Variants in CUBN observed in about 807,000 individuals in gnomAD.
CUBN encodes the protein 460 kDa receptor.
CUBN carries 282 observed loss-of-function variants against 405.3 expected under a neutral mutation model. That is an observed-to-expected ratio of 0.70 (90% CI 0.63 to 0.77). The LOEUF (loss-of-function observed/expected upper bound fraction) is 0.77, where lower values mean the gene tolerates loss of function less well. CUBN is among the 30% of genes least tolerant of loss of function. The pLI is 0.00. For missense variants in CUBN, 4,514 were observed against 4,475.2 expected, an observed-to-expected ratio of 1.01 and a Z score of -0.25; for synonymous variants, 1,684 against 1,617.0, an observed-to-expected ratio of 1.04 and a Z score of -0.99.
intron 62 of CUBN, 25 bp downstream of exon 62, chr10:16,840,305 C>A: frequency 1.3e-6 from 2 of 1,584,432 alleles, no homozygotes; most frequent in East Asian, 2.2e-5. Flanking sequence ...CTAGATGTGA[C>A]TGCCATTCAT....
intron 48 of CUBN, among the ~76,000 whole-genome samples, chr10:16,913,427 A>G (rs1012973792): frequency 6.6e-6 from 1 of 151,762 alleles, no homozygotes; most frequent in Non-Finnish European, 1.5e-5. Context: ...CCCTGGAGAG[A>G]GCAGTGCTTA....
chr10:16,849,515 CACCAA>C (rs1839618585), intron 60 of CUBN, among the ~76,000 whole-genome samples: 1 of 152,230 alleles, frequency 6.6e-6, no homozygotes. Flanking sequence ...GTCTTGCTCT[CACCAA>C]ACCACACTGT....
intron 34 of CUBN, among the ~76,000 whole-genome samples, chr10:16,948,910 G>A (rs973511008): frequency 1.3e-5 from 2 of 152,196 alleles, no homozygotes; most frequent in South Asian, 2.1e-4. Flanking sequence ...CAGCCCAGTC[G>A]GACCCATACA....
rs775344099 is a variant in CUBN, at chr10:16,954,488, G to A, written c.4756C>T (p.Leu1586=). The A allele has an allele frequency of 1.2e-6, 2 of 1,614,128 alleles. No individual in the cohort carries two copies. Among genetic ancestry groups the A allele is most frequent in the South Asian group, 2.2e-5 (2 of 91,084 alleles). ...CCTGAGGAGACGATGGGGTTAGCCA[G>A]CTGCTCCCTTCCACACGTCCTGGCA... The part of the protein sequence containing the change: ...RLARTCGREQ[L]ANPIVSSGNS... Residue 1586 remains leucine (L), a synonymous_variant, in exon 32 of 67, where the codon CTG becomes TTG. Coordinates refer to ENST00000377833, the MANE Select transcript of CUBN (RefSeq NM_001081.4).
In CUBN at chr10:16,874,357, C is replaced by T. The variant is rs1840442164; in HGVS notation, c.9236+17G>A. 5 of 1,613,756 alleles carry T rather than the reference C, an allele frequency of 3.1e-6. No homozygotes were observed. The highest frequency in any genetic ancestry group is 1.6e-4 in the Middle Eastern group (1 of 6,084). Reference sequence around the variant, plus strand: ...GCTGAAAGGATTTTCTTAAGAAAGCCAATTTGTCTTACGTACTTGAGCTCG... The same window carrying T: ...GCTGAAAGGATTTTCTTAAGAAAGCTAATTTGTCTTACGTACTTGAGCTCG... On this transcript the variant is annotated intron_variant, in intron 58 of 66. Transcript: ENST00000377833.
At chr10:17,083,559 C>T (rs1836023168) in intron 17 of CUBN, among the ~76,000 whole-genome samples, 1 of 46,302 alleles carries the variant, frequency 2.2e-5, no homozygotes, top group African/African-American at 8.5e-5. Context: ...TGCTGTAGTG[C>T]TATGGTCAAT....
intron 56 of CUBN, among the ~76,000 whole-genome samples, chr10:16,884,224 C>T (rs186852199): frequency 1.1e-3 from 161 of 152,272 alleles, no homozygotes; most frequent in Admixed American, 2.0e-3. Context: ...CCTCATGATC[C>T]GCCCACCTCG....
In CUBN at chr10:16,925,351, T is replaced by A; in HGVS notation, c.6536A>T (p.His2179Leu). 1 of 1,613,948 alleles carries A rather than the reference T, an allele frequency of 6.2e-7. No individual in the cohort carries two copies. The highest frequency in any genetic ancestry group is 8.5e-7 in the Non-Finnish European group (1 of 1,179,876). Residue 2179 changes from histidine (H) to leucine (L), a missense_variant, in exon 43 of 67, where the codon CAT (histidine) becomes CTT (leucine). Physicochemically the swap from His to Leu is moderately conservative, Grantham distance 99. Transcript: ENST00000377833. ...CGAGGTGAACAGAGTTGATGAAGCA[T>A]GACTGCCACAAAAATGACCATTTCC... ...PGGNGHFCGS[H>L]ASSTLFTSDN... is the part of the protein sequence containing the mutation.
At position 17,104,473 on chromosome 10, in the gene CUBN, T is replaced by G. The variant is rs748198632; in HGVS notation, c.1363A>C (p.Ser455Arg). Residue 455 changes from serine to arginine, a missense_variant, in exon 12 of 67, where the codon AGT (serine) becomes CGT (arginine). Ser to Arg is a moderately radical substitution (Grantham distance 110). Coordinates refer to ENST00000377833, the MANE Select transcript of CUBN (RefSeq NM_001081.4). ...GTCCAGAGACGTGTGCATTCACAAC[T>G]GAAAGAATCAACGCCATCAACACAA... The part of the protein sequence containing the change: ...GTCVDGVDSF[S>R]CECTRLWTGA... 5 of 1,613,872 alleles carry G rather than the reference T, an allele frequency of 3.1e-6. No individual in the cohort carries two copies. The Admixed American group carries it at 6.7e-5, about 22-fold the overall frequency.
chr10:17,087,609 G>A (rs1333412943), intron 15 of CUBN, among the ~76,000 whole-genome samples: 2 of 150,990 alleles, frequency 1.3e-5, no homozygotes, highest in African/African-American at 4.9e-5. Flanking sequence ...ACGAGTAGCT[G>A]GGGTTACAGG....
intron 17 of CUBN, among the ~76,000 whole-genome samples, chr10:17,078,424 T>C (rs939431446): frequency 1.3e-5 from 2 of 152,110 alleles, no homozygotes; most frequent in African/African-American, 4.8e-5. Flanking sequence ...ACATACAGGG[T>C]CTACAGATGA....
intron 28 of CUBN, among the ~76,000 whole-genome samples, chr10:16,995,030 G>T (rs189892070): frequency 1.1e-4 from 16 of 152,266 alleles, no homozygotes; most frequent in East Asian, 5.8e-4. Flanking sequence ...GGTGGAAGTC[G>T]CATTGAGCCG....
intron 41 of CUBN, 39 bp from the exon 42 acceptor site, chr10:16,925,813 A>C (rs369973985): frequency 3.4e-5 from 54 of 1,578,642 alleles, no homozygotes; most frequent in Admixed American, 2.0e-4. Context: ...TTTAAATAGC[A>C]TTGGCAACTG....
At chr10:16,878,125 T>C (rs1034823668) in intron 56 of CUBN, among the ~76,000 whole-genome samples, 1 of 152,136 alleles carries the variant, frequency 6.6e-6, no homozygotes, top group African/African-American at 2.4e-5. Context: ...CTGTCTCTAC[T>C]AAAAATACAA....
At position 16,828,978 on chromosome 10, in the gene CUBN, A is replaced by G. The variant is rs1388282481; in HGVS notation, c.10591T>C (p.Tyr3531His). The G allele has an allele frequency of 6.2e-7, 1 of 1,614,164 alleles. No individual in the cohort carries two copies. The highest frequency in any genetic ancestry group is 2.2e-5 in the East Asian group (1 of 44,866). The change falls in exon 66 of 67, where the codon TAC (tyrosine) becomes CAC (histidine). Residue 3531 changes from tyrosine (Y) to histidine (H), a missense_variant. Physicochemically the swap from Tyr to His is moderately conservative, Grantham distance 83. Coordinates refer to ENST00000377833, the MANE Select transcript of CUBN (RefSeq NM_001081.4). ...SFTSPGYPGTYPNNTYCEWVL... is the reference protein window; with the variant it reads ...SFTSPGYPGTHPNNTYCEWVL... ...CACTCGCAGTACGTGTTGTTTGGGTATGTGCCTGGATAGCCGGGGCTGGTG... is the reference window on the plus strand; with the variant it reads ...CACTCGCAGTACGTGTTGTTTGGGTGTGTGCCTGGATAGCCGGGGCTGGTG...
chr10:16,893,616 G>A (rs1269502870), intron 54 of CUBN, among the ~76,000 whole-genome samples: 1 of 152,170 alleles, frequency 6.6e-6, no homozygotes, highest in Non-Finnish European at 1.5e-5. Flanking sequence ...AAATGGAACA[G>A]CAGAGTATGT....
chr10:16,926,205 A>G (rs548057873), intron 41 of CUBN, among the ~76,000 whole-genome samples: 1 of 152,320 alleles, frequency 6.6e-6, no homozygotes, highest in Non-Finnish European at 1.5e-5. Flanking sequence ...GAAATGAAGG[A>G]TCAAGCCAGA....
rs767106289 is a variant in CUBN at position 16,869,802 on chromosome 10, CAG to C, written c.9286_9287del (p.Leu3096GlyfsTer30). 36 of 1,613,954 alleles carry C rather than the reference CAG, an allele frequency of 2.2e-5. 1 individual carries two copies. The highest frequency in any genetic ancestry group is 3.0e-5 in the Non-Finnish European group (35 of 1,179,992). ...TGGTATTGGCACCATCGTAAATTGCCAGGTAGTCATGGGAGCAGGAGGTGGAG... is the reference window on the plus strand; with the variant it reads ...TGGTATTGGCACCATCGTAAATTGCCGTAGTCATGGGAGCAGGAGGTGGAG... The part of the protein sequence containing the change: ...VPSTSCSHDY[L>X]AIYDGANTSD... On this transcript the variant is annotated frameshift_variant, in exon 59 of 67. Transcript: ENST00000377833. LOFTEE classifies it high-confidence loss of function.
Position 17,123,662 on chromosome 10 carries a change from T to C in CUBN, c.415A>G (p.Asn139Asp). The C allele has an allele frequency of 6.2e-7, 1 of 1,614,016 alleles. No individual in the cohort carries two copies. The highest frequency in any genetic ancestry group is 8.5e-7 in the Non-Finnish European group (1 of 1,179,958). The change falls in exon 5 of 67, where the codon AAT (asparagine) becomes GAT (aspartate). Residue 139 changes from asparagine (N) to aspartate (D), a missense_variant. This residue lies in a region of CUBN where 1,448 missense variants were observed against 1,388.0 expected (regional missense o/e 1.04). Transcript: ENST00000377833. Reference sequence around the variant, plus strand: ...CAGGTTCCACCATTCTGGCAAGGATTGCTGCTGCAAACCTTTTTGTCAACA... The same window carrying C: ...CAGGTTCCACCATTCTGGCAAGGATCGCTGCTGCAAACCTTTTTGTCAACA... ...QTVDKKVCSSNPCQNGGTCLN... is the reference protein window; with the variant it reads ...QTVDKKVCSSDPCQNGGTCLN...
Sources: allele counts gnomAD v4.1 joint callset (sites outside exome capture counted in the v4.1 genomes callset), GRCh38; gene constraint gnomAD v4.1.1; regional missense constraint gnomAD v4.1.1; transcripts MANE v1.5; gene names NCBI Gene and HGNC (gene_info 2026-07-23, HGNC 2026-07-21).